Variants in BDP1 observed in about 807,000 individuals in gnomAD.
BDP1 encodes the protein BDP1 general transcription factor IIIB subunit.
Under a neutral mutation model 266.6 loss-of-function variants are expected in BDP1, and 169 were observed. The ratio of observed to expected loss-of-function variants is 0.63; its 90% CI spans 0.56 to 0.72. The LOEUF is 0.72. Among genes scored for constraint, BDP1 ranks in the 30% least tolerant of loss-of-function variants. The pLI, the probability that BDP1 is intolerant of heterozygous loss-of-function variation, is 0.00. For synonymous variants in BDP1, 1,090 were observed against 1,022.4 expected (o/e 1.07, Z -1.26); for missense variants, 3,015 against 3,053.8 (o/e 0.99, Z 0.30).
At chr5:71,568,400 C>T (rs1315659569), downstream of BDP1, among the ~76,000 whole-genome samples, 2 of 152,232 alleles carry the variant, frequency 1.3e-5, no homozygotes, top group Non-Finnish European at 2.9e-5. Flanking sequence ...ACTCAAAGGG[C>T]GACTTCAAAC....
At chr5:71,502,855 C>A (rs1276179750) in intron 15 of BDP1, 64 bp downstream of exon 15, 1 of 1,237,888 alleles carries the variant, frequency 8.1e-7, no homozygotes, top group Non-Finnish European at 1.2e-6. Context: ...ATATAAGCTT[C>A]CCTTCACCCA....
intron 32 of BDP1, 126 bp downstream of exon 32, chr5:71,545,345 T>G: frequency 2.1e-6 from 2 of 959,682 alleles, no homozygotes; most frequent in East Asian, 2.6e-5. Context: ...TTCTTCTTTT[T>G]TTTTTGGAGA....
downstream of BDP1, among the ~76,000 whole-genome samples, chr5:71,568,128 G>A (rs1744133594): frequency 6.6e-6 from 1 of 152,194 alleles, no homozygotes; most frequent in Non-Finnish European, 1.5e-5. Flanking sequence ...CTGGATGACA[G>A]AAGAAGACCC....
intron 25 of BDP1, among the ~76,000 whole-genome samples, chr5:71,527,471 A>C (rs1409533414): frequency 6.6e-6 from 1 of 152,078 alleles, no homozygotes; most frequent in East Asian, 1.9e-4. Flanking sequence ...ACTTTTCTAC[A>C]TCTTGTCTCT....
At chr5:71,521,005 A>G (rs780145389) in intron 22 of BDP1, among the ~76,000 whole-genome samples, 1 of 151,838 alleles carries the variant, frequency 6.6e-6, no homozygotes, top group Non-Finnish European at 1.5e-5. Flanking sequence ...CCTGACCAAC[A>G]TAGAGAAACC....
intron 24 of BDP1, among the ~76,000 whole-genome samples, chr5:71,523,376 G>A (rs1765606473): frequency 6.6e-6 from 1 of 152,046 alleles, no homozygotes; most frequent in African/African-American, 2.4e-5. Context: ...GTACAATTGC[G>A]TGACTCGGCT....
chr5:71,493,221 A>G (rs1763693173), intron 11 of BDP1, among the ~76,000 whole-genome samples: 1 of 152,192 alleles, frequency 6.6e-6, no homozygotes, highest in Non-Finnish European at 1.5e-5. Context: ...AATTTCATAA[A>G]CTACACAAAA....
intron 8 of BDP1, among the ~76,000 whole-genome samples, chr5:71,484,441 CA>C (rs1763138763): frequency 6.6e-6 from 1 of 151,678 alleles, no homozygotes; most frequent in African/African-American, 2.4e-5. Flanking sequence ...GATTCATTTC[CA>C]AAAAGAAGAA....
At chr5:71,477,569 T>C (rs1188338420) in intron 7 of BDP1, among the ~76,000 whole-genome samples, 2 of 151,996 alleles carry the variant, frequency 1.3e-5, no homozygotes, top group Non-Finnish European at 2.9e-5. Flanking sequence ...ATTTCTTTTT[T>C]AATATTAAAA....
rs11441119 is a variant in BDP1 at position 71,501,673 on chromosome 5, TAAAA to T, written c.2048+37_2048+40del. On this transcript the variant is annotated intron_variant, in intron 14 of 38. Coordinates refer to ENST00000358731, the MANE Select transcript of BDP1 (RefSeq NM_018429.3). ...ATCTGTGTGAGTATTCAGGAAGTAG[TAAAA>T]AAAAAAAAAAAAAAAAGTAACTCTT... 2,165 of 541,634 alleles carry T rather than the reference TAAAA, an allele frequency of 4.0e-3. 2 individuals carry two copies. Among genetic ancestry groups the T allele is most frequent in the South Asian group, 5.6e-3 (172 of 30,454 alleles). The allele number at this position is 541,634 out of a possible 1,614,324, so 33.6% of individuals were successfully genotyped here. A position where few individuals can be genotyped will look rare whatever the true frequency, so the allele number is the denominator to read the frequency against.
At chr5:71,572,423 G>A (rs974695601), downstream of BDP1, among the ~76,000 whole-genome samples, 1 of 152,210 alleles carries the variant, frequency 6.6e-6, no homozygotes, top group Non-Finnish European at 1.5e-5. Flanking sequence ...AATGAAGAAT[G>A]TCTGCTAGAG....
chr5:71,512,099 G>T, intron 17 of BDP1, 142 bp from the exon 18 acceptor site: 1 of 440,612 alleles, frequency 2.3e-6, no homozygotes. Context: ...TTTAACATTT[G>T]GAAATTAAAT....
rs1346432498 is a variant in BDP1 at position 71,541,374 on chromosome 5, A to G, written c.6023-80A>G. 17 of 596,668 alleles carry G rather than the reference A, an allele frequency of 2.8e-5. 1 individual carries two copies. The highest frequency in any genetic ancestry group is 4.8e-5 in the Non-Finnish European group (17 of 352,616). The allele number at this position is 596,668 out of a possible 1,614,324, so 37.0% of individuals were successfully genotyped here. ...AAACTTTAATAATACAGAATTTTAC[A>G]ATTACTAAATGTTGAGGAATTTATT... On this transcript the variant is annotated intron_variant, in intron 28 of 38. Coordinates refer to ENST00000358731, the MANE Select transcript of BDP1 (RefSeq NM_018429.3).
chr5:71,471,822 C>T (rs913901155), intron 7 of BDP1, among the ~76,000 whole-genome samples: 1 of 152,058 alleles, frequency 6.6e-6, no homozygotes, highest in African/African-American at 2.4e-5. Context: ...ATAAAAGGAA[C>T]CATTAGGAAG....
intron 26 of BDP1, among the ~76,000 whole-genome samples, chr5:71,532,913 T>TA (rs1766343038): frequency 1.3e-5 from 2 of 152,190 alleles, no homozygotes; most frequent in South Asian, 4.1e-4. Context: ...AAAGAAACCT[T>TA]ATTAGCAGTC....
intron 7 of BDP1, among the ~76,000 whole-genome samples, chr5:71,479,825 C>T (rs1053223874): frequency 7.9e-5 from 12 of 152,254 alleles, no homozygotes; most frequent in African/African-American, 2.4e-4. Context: ...GGATTACAGG[C>T]GTGAGCCACC....
At chr5:71,526,111 G>A (rs867663810) in intron 25 of BDP1, among the ~76,000 whole-genome samples, 16 of 152,296 alleles carry the variant, frequency 1.1e-4, no homozygotes, top group Middle Eastern at 3.4e-3. Context: ...GGGTTGTAGC[G>A]AGCCGAGATC....
rs1461041013 is a variant in BDP1, at chr5:71,513,317, T to C, written c.4380T>C (p.Tyr1460=). ...GAGAGACTACAGAATCAGAAAAATA[T>C]ATATATGAGAAGAAATCAGAAACCA... The part of the protein sequence containing the change: ...LKRETTESEK[Y]IYEKKSETKK... The change falls in exon 19 of 39, where the codon TAT becomes TAC. Residue 1460 remains tyrosine (Y), a synonymous_variant. Transcript: ENST00000358731. 3.7e-6 allele frequency: 6 copies of C among 1,608,816 alleles called. No homozygotes were observed. The highest frequency in any genetic ancestry group is 4.2e-6 in the Non-Finnish European group (5 of 1,177,032).
At position 71,483,824 on chromosome 5, in the gene BDP1, GT is replaced by G; in HGVS notation, c.1015-12del. The G allele has an allele frequency of 1.3e-6, 2 of 1,591,418 alleles. No homozygotes were observed. Among genetic ancestry groups the G allele is most frequent in the Non-Finnish European group, 1.7e-6 (2 of 1,163,804 alleles). On this transcript the variant is annotated splice_polypyrimidine_tract_variant and intron_variant, in intron 7 of 38. Transcript: ENST00000358731. ...TTTTATGAGAGAAAATTACCATAGG[GT>G]TTTTTGTTGTTAACAGAATAAATTT...
Sources: gnomAD v4.1 joint callset for allele counts (sites outside exome capture counted in the v4.1 genomes callset) on GRCh38, gnomAD v4.1.1 for gene constraint, MANE v1.5 for transcripts, NCBI Gene and HGNC (gene_info 2026-07-23, HGNC 2026-07-21) for gene names.